SCAPER: variants seen among roughly 807,000 people sequenced by gnomAD.
SCAPER encodes S phase cyclin A-associated protein in the endoplasmic reticulum.
A neutral mutation model predicts 182.2 loss-of-function variants in SCAPER; 98 were observed. The ratio of observed to expected loss-of-function variants is 0.54; its 90% CI spans 0.46 to 0.64. SCAPER has a LOEUF of 0.64. Ranked by LOEUF, SCAPER falls within the 30% of genes least tolerant of loss-of-function variation. The probability of loss-of-function intolerance (pLI) is 0.00; values close to 1 mark genes in which losing one functional copy is unlikely to be tolerated. For synonymous variants in SCAPER, 605 were observed against 564.6 expected, an observed-to-expected ratio of 1.07 and a Z score of -1.01; for missense variants, 1,432 against 1,690.0, an observed-to-expected ratio of 0.85 and a Z score of 2.68.
intron 17 of SCAPER, among the ~76,000 whole-genome samples, chr15:76,716,774 C>A (rs2059908095): frequency 6.6e-6 from 1 of 151,480 alleles, no homozygotes; most frequent in East Asian, 1.9e-4. Flanking sequence ...ATGAAGAGAG[C>A]CTATGGGACA....
chr15:76,526,776 C>CT (rs1321803646), intron 23 of SCAPER, among the ~76,000 whole-genome samples: 7 of 151,642 alleles, frequency 4.6e-5, no homozygotes, highest in African/African-American at 1.5e-4. Flanking sequence ...ATTTTTGCCT[C>CT]TTTTTTCATA....
At chr15:76,448,571 T>C (rs942177647) in intron 25 of SCAPER, among the ~76,000 whole-genome samples, 1 of 152,084 alleles carries the variant, frequency 6.6e-6, no homozygotes, top group Non-Finnish European at 1.5e-5. Context: ...TGCTGTTTGT[T>C]GAAACAAACA....
chr15:76,827,034 C>T (rs969982490), intron 5 of SCAPER, among the ~76,000 whole-genome samples: 2 of 151,862 alleles, frequency 1.3e-5, no homozygotes, highest in African/African-American at 4.8e-5. Flanking sequence ...TCTGACAAAG[C>T]GAAGTTGTAA....
chr15:76,550,734 G>A (rs139696411), intron 23 of SCAPER, among the ~76,000 whole-genome samples: 1,888 of 152,236 alleles, frequency 0.012, 23 homozygotes, highest in Non-Finnish European at 0.018. Flanking sequence ...TGGGTCAAAT[G>A]GTATTTCTGG....
intron 17 of SCAPER, among the ~76,000 whole-genome samples, chr15:76,710,143 A>G (rs1048585584): frequency 6.6e-6 from 1 of 152,216 alleles, no homozygotes; most frequent in African/African-American, 2.4e-5. Flanking sequence ...TGAACATTAC[A>G]TAGAAGGAGC....
At position 76,698,662 on chromosome 15, in the gene SCAPER, T is replaced by C. The variant is rs578223940; in HGVS notation, c.2508+3096A>G. 2.0e-5 allele frequency among the ~76,000 whole-genome samples: 3 copies of C among 152,290 alleles called. No individual in the cohort carries two copies. The East Asian group carries it at 5.8e-4, about 29-fold the overall frequency. On this transcript the variant is annotated intron_variant, in intron 20 of 31. Transcript: ENST00000563290. The stretch of plus-strand genomic sequence containing the variant: ...TGAGCTGAGGAGACAGAATTTGAAG[T>C]TTAGAGCCATCAAAGTGGTTAAAAC...
At position 76,862,541 on chromosome 15, in the gene SCAPER, T is replaced by C. The variant is rs1376222781; in HGVS notation, c.7-8A>G. The C allele has an allele frequency of 6.6e-6, 10 of 1,508,656 alleles. No homozygotes were observed. The highest frequency in any genetic ancestry group is 9.2e-6 in the Non-Finnish European group (10 of 1,087,246). The allele number at this position is 1,508,656 out of a possible 1,614,324, so 93.5% of individuals were successfully genotyped here. A position where few individuals can be genotyped will look rare whatever the true frequency, so the allele number is the denominator to read the frequency against. On this transcript the variant is annotated splice_polypyrimidine_tract_variant and splice_region_variant and intron_variant, in intron 2 of 31. Transcript: ENST00000563290. The stretch of plus-strand genomic sequence containing the variant: ...GGAGCGCTGGAATGAAGCCTATGTA[T>C]GGAAAAGATGGTACTTATTAGATTA...
chr15:76,493,748 T>G (rs1464402900), intron 24 of SCAPER, among the ~76,000 whole-genome samples: 3 of 152,312 alleles, frequency 2.0e-5, no homozygotes, highest in South Asian at 2.1e-4. Context: ...CCCAGGTGGT[T>G]TGCAGTGTTA....
At chr15:76,835,466 C>T (rs2068846677) in intron 5 of SCAPER, among the ~76,000 whole-genome samples, 1 of 152,134 alleles carries the variant, frequency 6.6e-6, no homozygotes, top group Admixed American at 6.5e-5. Flanking sequence ...TCAACAGACA[C>T]AGAAAAGGCT....
chr15:76,828,035 T>C (rs1320543248), intron 5 of SCAPER, among the ~76,000 whole-genome samples: 1 of 152,004 alleles, frequency 6.6e-6, no homozygotes, highest in Non-Finnish European at 1.5e-5. Context: ...ATGAGACTGG[T>C]GCATTTATTA....
rs367642919 is a variant in SCAPER, at chr15:76,491,778, T to C, written c.2954+13081A>G. On this transcript the variant is annotated intron_variant, in intron 24 of 31. Coordinates refer to ENST00000563290, the MANE Select transcript of SCAPER (RefSeq NM_020843.4). ...ACCTGAGTAGGTGGGATTACAGGCG[T>C]TTGCCACCACACCCGGCTAATTTTT... Among the ~76,000 whole-genome samples, 37 of 152,214 alleles carry C rather than the reference T, an allele frequency of 2.4e-4. No individual in the cohort carries two copies. The East Asian group carries it at 4.8e-3, about 20-fold the overall frequency.
At chr15:76,362,542 A>C (rs2041509710) in intron 29 of SCAPER, among the ~76,000 whole-genome samples, 1 of 151,660 alleles carries the variant, frequency 6.6e-6, no homozygotes, top group South Asian at 2.1e-4. Flanking sequence ...CCTCCCGAGC[A>C]GCTGGGATTA....
chr15:76,508,145 C>T (rs1384847161), intron 23 of SCAPER, among the ~76,000 whole-genome samples: 1 of 152,026 alleles, frequency 6.6e-6, no homozygotes, highest in African/African-American at 2.4e-5. Context: ...TTCATTTTGC[C>T]TTCTTTTCAT....
intron 5 of SCAPER, among the ~76,000 whole-genome samples, chr15:76,832,969 G>T (rs1207546159): frequency 2.0e-5 from 3 of 152,094 alleles, no homozygotes; most frequent in Non-Finnish European, 4.4e-5. Context: ...CTAATACTCA[G>T]AAACTGTCCA....
chr15:76,667,646 A>C (rs1278771252), intron 20 of SCAPER, among the ~76,000 whole-genome samples: 9 of 128,764 alleles, frequency 7.0e-5, no homozygotes, highest in African/African-American at 2.9e-4. Context: ...AAAAAAAAAA[A>C]AAAAAAAAAA....
intron 14 of SCAPER, among the ~76,000 whole-genome samples, chr15:76,754,385 C>A (rs1249880395): frequency 6.6e-6 from 1 of 151,798 alleles, no homozygotes; most frequent in East Asian, 1.9e-4. Flanking sequence ...TATGATGTAA[C>A]CCACATTCAA....
In SCAPER at chr15:76,723,649, T is replaced by C. The variant is rs542960780; in HGVS notation, c.2165+4946A>G. 1.4e-4 allele frequency among the ~76,000 whole-genome samples: 21 copies of C among 152,134 alleles called. No homozygotes were observed. In the East Asian group the frequency reaches 3.1e-3, roughly 22 times the overall value. ...GTGCATGTATATTTAGGATAGTTAGTTCTTGTTGAATTGATCCCTTTACCA... is the reference window on the plus strand; with the variant it reads ...GTGCATGTATATTTAGGATAGTTAGCTCTTGTTGAATTGATCCCTTTACCA... On this transcript the variant is annotated intron_variant, in intron 17 of 31. Coordinates refer to ENST00000563290, the MANE Select transcript of SCAPER (RefSeq NM_020843.4).
In SCAPER at chr15:76,542,521, C is replaced by T. The variant is rs555256720; in HGVS notation, c.2838+31637G>A. 8.0e-5 allele frequency among the ~76,000 whole-genome samples: 12 copies of T among 150,932 alleles called. No individual in the cohort carries two copies. In the South Asian group the frequency reaches 2.5e-3, roughly 32 times the overall value. ...CTGGGCGACAAGAGCGAGACTCCAT[C>T]TCCATCTCAAAAATAAATAAATAAA... On this transcript the variant is annotated intron_variant, in intron 23 of 31. Coordinates refer to ENST00000563290, the MANE Select transcript of SCAPER (RefSeq NM_020843.4).
chr15:76,504,717 T>C (rs2041430937), intron 24 of SCAPER, 142 bp downstream of exon 24: 2 of 611,560 alleles, frequency 3.3e-6, no homozygotes, highest in Admixed American at 3.6e-5. Flanking sequence ...ACCTCTGTTT[T>C]TCTCCCTAAT....
Sources: gnomAD v4.1 joint callset for allele counts (sites outside exome capture counted in the v4.1 genomes callset) on GRCh38, gnomAD v4.1.1 for gene constraint, MANE v1.5 for transcripts, NCBI Gene and HGNC (gene_info 2026-07-23, HGNC 2026-07-21) for gene names.